IL1RAPL2: variants seen among roughly 807,000 people sequenced by gnomAD.
IL1RAPL2 encodes the protein interleukin 1 receptor accessory protein like 2.
Under a neutral mutation model 44.1 loss-of-function variants are expected in IL1RAPL2, and 3 were observed. The ratio of observed to expected loss-of-function variants is 0.07; its 90% CI spans 0.03 to 0.18. IL1RAPL2 has a LOEUF of 0.18. Among genes scored for constraint, IL1RAPL2 ranks in the 10% least tolerant of loss-of-function variants. IL1RAPL2 has a pLI of 1.00. For synonymous variants in IL1RAPL2, 181 were observed against 178.8 expected, an observed-to-expected ratio of 1.01 and a Z score of -0.10; for missense variants, 391 against 496.4, an observed-to-expected ratio of 0.79 and a Z score of 2.02.
intron 6 of IL1RAPL2, among the ~76,000 whole-genome samples, chrX:105,600,826 G>A (rs1208414518): frequency 3.6e-5 from 4 of 110,391 alleles, no homozygotes; most frequent in Non-Finnish European, 5.7e-5. Flanking sequence ...TAAATTTTTA[G>A]TGTTTAATTG....
chrX:104,893,288 C>A (rs1478725989), intron 2 of IL1RAPL2, among the ~76,000 whole-genome samples: 1 of 111,781 alleles, frequency 8.9e-6, no homozygotes, highest in Non-Finnish European at 1.9e-5. Context: ...GTGGAGAGTT[C>A]TGTAGATGTC....
At chrX:105,079,120 C>T (rs868092714) in intron 2 of IL1RAPL2, among the ~76,000 whole-genome samples, 40 of 112,058 alleles carry the variant, frequency 3.6e-4, no homozygotes, top group African/African-American at 1.2e-3. Flanking sequence ...TCTTCTGCAT[C>T]TCTCACGCTG....
chrX:105,400,656 A>G (rs1036016165), intron 5 of IL1RAPL2, among the ~76,000 whole-genome samples: 7 of 107,554 alleles, frequency 6.5e-5, no homozygotes, highest in Non-Finnish European at 9.4e-5. Context: ...AAAATAAAAA[A>G]TGCAGTTATA....
At chrX:105,421,565 A>G (rs1019281598) in intron 5 of IL1RAPL2, among the ~76,000 whole-genome samples, 1 of 111,562 alleles carries the variant, frequency 9.0e-6, no homozygotes, top group Non-Finnish European at 1.9e-5. Flanking sequence ...CTGAGTTATT[A>G]GGAAAGTTCA....
At chrX:104,830,676 A>G (rs1202086705) in intron 2 of IL1RAPL2, among the ~76,000 whole-genome samples, 2 of 111,837 alleles carry the variant, frequency 1.8e-5, no homozygotes, top group Admixed American at 1.9e-4. Context: ...TCTTCCATTT[A>G]TTATTTAGGT....
chrX:104,674,323 T>C (rs954420383), intron 2 of IL1RAPL2, among the ~76,000 whole-genome samples: 1 of 112,098 alleles, frequency 8.9e-6, no homozygotes, highest in African/African-American at 3.2e-5. Context: ...TGTTGAATTT[T>C]GTCAAAGGCT....
chrX:104,946,378 T>C (rs868513134), intron 2 of IL1RAPL2, among the ~76,000 whole-genome samples: 10 of 270 alleles, frequency 0.037, no homozygotes, highest in Admixed American at 0.27. Flanking sequence ...AGACTCCGTC[T>C]CAAAAAAAAA....
At chrX:105,620,578 CGTGA>C (rs771789955) in intron 6 of IL1RAPL2, among the ~76,000 whole-genome samples, 2 of 109,972 alleles carry the variant, frequency 1.8e-5, no homozygotes, top group Non-Finnish European at 3.8e-5. Context: ...TCTTATAGCT[CGTGA>C]GTGACAGAGT....
At chrX:105,177,572 C>T (rs914577444) in intron 2 of IL1RAPL2, among the ~76,000 whole-genome samples, 1 of 110,378 alleles carries the variant, frequency 9.1e-6, no homozygotes, top group Non-Finnish European at 1.9e-5. Flanking sequence ...AGGCATGGGG[C>T]ACAGCCATTG....
intron 2 of IL1RAPL2, among the ~76,000 whole-genome samples, chrX:104,727,402 C>T (rs1480043934): frequency 2.7e-5 from 3 of 111,023 alleles, no homozygotes; most frequent in East Asian, 5.6e-4. Context: ...TTATACTAGT[C>T]AAAATGGATA....
intron 3 of IL1RAPL2, among the ~76,000 whole-genome samples, chrX:105,210,876 C>G (rs1162793058): frequency 9.0e-6 from 1 of 110,814 alleles, no homozygotes; most frequent in African/African-American, 3.3e-5. Flanking sequence ...GTGTCTCAAT[C>G]TGGTTCAGGT....
chrX:105,534,845 T>C (rs2036666249), intron 6 of IL1RAPL2, among the ~76,000 whole-genome samples: 1 of 111,878 alleles, frequency 8.9e-6, no homozygotes, highest in African/African-American at 3.2e-5. Context: ...CTAAACCTCA[T>C]ACCTTATACA....
intron 2 of IL1RAPL2, among the ~76,000 whole-genome samples, chrX:105,107,953 A>G (rs1229529750): frequency 9.0e-6 from 1 of 111,505 alleles, no homozygotes; most frequent in Non-Finnish European, 1.9e-5. Flanking sequence ...CTATCCTGAT[A>G]TACTTTACAG....
At chrX:105,006,567 C>T (rs908498118) in intron 2 of IL1RAPL2, among the ~76,000 whole-genome samples, 6 of 110,863 alleles carry the variant, frequency 5.4e-5, no homozygotes, top group Admixed American at 9.6e-5. Flanking sequence ...AAGGAAGATG[C>T]GAATGACTAA....
intron 2 of IL1RAPL2, among the ~76,000 whole-genome samples, chrX:104,738,119 C>T (rs1234413294): frequency 9.0e-6 from 1 of 111,653 alleles, no homozygotes; most frequent in Admixed American, 9.5e-5. Context: ...TCCACAGTGC[C>T]TGGCACCACC....
intron 6 of IL1RAPL2, among the ~76,000 whole-genome samples, chrX:105,488,522 C>A (rs1428055229): frequency 8.9e-6 from 1 of 112,423 alleles, no homozygotes; most frequent in Non-Finnish European, 1.9e-5. Flanking sequence ...AATTCATGAG[C>A]AAAGTAAAGT....
chrX:105,116,007 G>C (rs1178172499), intron 2 of IL1RAPL2, among the ~76,000 whole-genome samples: 1 of 113,209 alleles, frequency 8.8e-6, no homozygotes, highest in Admixed American at 9.2e-5. Flanking sequence ...CTCTGAGTGC[G>C]GGGCCGCTGA....
Position 104,987,429 on chromosome X carries a change from T to TA in IL1RAPL2, c.83-208029dup, listed in dbSNP as rs200944971. 3.5e-3 allele frequency among the ~76,000 whole-genome samples: 312 copies of TA among 89,708 alleles called. 2 individuals carry two copies. The highest frequency in any genetic ancestry group is 8.4e-3 in the East Asian group (24 of 2,851). The allele number at this position is 89,708 out of a possible 115,157, so 77.9% of individuals were successfully genotyped here. On this transcript the variant is annotated intron_variant, in intron 2 of 10. Coordinates refer to ENST00000372582, the MANE Select transcript of IL1RAPL2 (RefSeq NM_017416.2). The stretch of plus-strand genomic sequence containing the variant: ...GGTAGTTTATAAGTTGTGTATAATG[T>TA]AAAAAAAAAAAAAAAAAGACAAGGA...
chrX:105,438,892 A>C (rs932722865), intron 5 of IL1RAPL2, among the ~76,000 whole-genome samples: 3 of 110,581 alleles, frequency 2.7e-5, no homozygotes, highest in African/African-American at 9.9e-5. Context: ...TCTCATGTGG[A>C]ATTGGAATCC....
Sources: gnomAD v4.1 joint callset for allele counts (sites outside exome capture counted in the v4.1 genomes callset) on GRCh38, gnomAD v4.1.1 for gene constraint, MANE v1.5 for transcripts, NCBI Gene and HGNC (gene_info 2026-07-23, HGNC 2026-07-21) for gene names.